The following LDHC variants were observed in gnomAD, a reference collection of about 807,000 sequenced individuals.
LDHC encodes lactate dehydrogenase C.
A neutral mutation model predicts 30.2 loss-of-function variants in LDHC; 20 were observed. That is an observed-to-expected ratio of 0.66 (90% confidence interval 0.47 to 0.96). The LOEUF (loss-of-function observed/expected upper bound fraction) is 0.96, where lower values mean the gene tolerates loss of function less well. LDHC is among the 40% of genes least tolerant of loss of function. The pLI is 0.00. For missense variants in LDHC, 362 were observed against 394.9 expected (o/e 0.92, Z 0.71); for synonymous variants, 139 against 132.7 (o/e 1.05, Z -0.32).
intron 3 of LDHC, among the ~76,000 whole-genome samples, chr11:18,428,770 G>T (rs527245823): frequency 3.9e-4 from 59 of 151,842 alleles, no homozygotes; most frequent in Admixed American, 5.9e-4. Context: ...AGCTACTCAG[G>T]AGGCTGATGT....
At chr11:18,442,582 A>G (rs1258659173) in intron 6 of LDHC, among the ~76,000 whole-genome samples, 5 of 151,174 alleles carry the variant, frequency 3.3e-5, no homozygotes, top group Non-Finnish European at 7.4e-5. Flanking sequence ...TCCCCCCTCT[A>G]TCATTTACTA....
At chr11:18,440,899 A>G (rs1246823570) in intron 6 of LDHC, among the ~76,000 whole-genome samples, 1 of 151,954 alleles carries the variant, frequency 6.6e-6, no homozygotes, top group East Asian at 1.9e-4. Flanking sequence ...TGATCACACC[A>G]CTGCACACTA....
intron 6 of LDHC, 100 bp from the exon 7 acceptor site, chr11:18,446,110 T>G: frequency 1.0e-6 from 1 of 959,436 alleles, no homozygotes; most frequent in Non-Finnish European, 1.6e-6. Flanking sequence ...TACAATTGCA[T>G]TGACATGTAG....
In LDHC at chr11:18,438,535, A is replaced by G; in HGVS notation, c.600A>G (p.Leu200=). The change falls in exon 6 of 8, where the codon TTA becomes TTG. Residue 200 remains leucine (L), a synonymous_variant. Transcript: ENST00000541669. ...GAGATCTGTATTTTTTAGTGCCCTTATGGAGTGGGGTGAATGTTGCTGGTG... is the reference window on the plus strand; with the variant it reads ...GAGATCTGTATTTTTTAGTGCCCTTGTGGAGTGGGGTGAATGTTGCTGGTG... The part of the protein sequence containing the change: ...IGEHGDSSVP[L]WSGVNVAGVA... 2 of 1,602,958 alleles carry G rather than the reference A, an allele frequency of 1.2e-6. No homozygotes were observed. The highest frequency in any genetic ancestry group is 1.3e-5 in the African/African-American group (1 of 74,808).
intron 6 of LDHC, among the ~76,000 whole-genome samples, chr11:18,442,312 T>C (rs1187345041): frequency 6.6e-6 from 1 of 152,240 alleles, no homozygotes; most frequent in Non-Finnish European, 1.5e-5. Flanking sequence ...CTCAAGGTTA[T>C]CTTCCCAGTT....
At chr11:18,422,843 C>T (rs1377079858) in intron 3 of LDHC, among the ~76,000 whole-genome samples, 4 of 151,172 alleles carry the variant, frequency 2.6e-5, no homozygotes, top group Non-Finnish European at 4.4e-5. Flanking sequence ...ATTAGCTGGG[C>T]GTGTTGATGG....
chr11:18,419,644 A>T (rs1245655499), intron 3 of LDHC, among the ~76,000 whole-genome samples: 1 of 152,258 alleles, frequency 6.6e-6, no homozygotes, highest in Admixed American at 6.5e-5. Context: ...TAACAGAAAC[A>T]TGCCACTATA....
At chr11:18,432,286 TGGAGTTG>T (rs1460038522) in intron 4 of LDHC, among the ~76,000 whole-genome samples, 1 of 152,228 alleles carries the variant, frequency 6.6e-6, no homozygotes, top group Non-Finnish European at 1.5e-5. Flanking sequence ...AGGTTCCTTT[TGGAGTTG>T]ATGTCCAGTT....
chr11:18,442,572 T>C (rs1338198956), intron 6 of LDHC, among the ~76,000 whole-genome samples: 4 of 151,966 alleles, frequency 2.6e-5, no homozygotes, highest in African/African-American at 7.2e-5. Flanking sequence ...ACTGTTTTTT[T>C]CCCCCCTCTA....
intron 3 of LDHC, among the ~76,000 whole-genome samples, chr11:18,417,514 C>G (rs1010087577): frequency 5.3e-5 from 8 of 152,168 alleles, no homozygotes; most frequent in Non-Finnish European, 1.2e-4. Flanking sequence ...CCACCTCACC[C>G]TTCTGTGTAG....
At chr11:18,441,485 T>G (rs964142294) in intron 6 of LDHC, among the ~76,000 whole-genome samples, 51 of 151,808 alleles carry the variant, frequency 3.4e-4, no homozygotes, top group Admixed American at 5.9e-4. Flanking sequence ...ATTTTTGTAT[T>G]TTTAGTAGAA....
chr11:18,428,751 T>C (rs1590228238), intron 3 of LDHC, among the ~76,000 whole-genome samples: 1 of 151,892 alleles, frequency 6.6e-6, no homozygotes, highest in Admixed American at 6.6e-5. Context: ...GGTGCATGCC[T>C]GTAGTCCCAG....
intron 3 of LDHC, among the ~76,000 whole-genome samples, chr11:18,429,116 C>CT (rs36038254): frequency 0.21 from 19,680 of 93,712 alleles, 3,142 homozygotes; most frequent in East Asian, 0.33. Context: ...TCATTTTGGT[C>CT]TTTTTTTTTT....
rs374002407 is a variant in LDHC, at chr11:18,429,743, G to A, written c.251G>A (p.Ser84Asn). The A allele has an allele frequency of 2.8e-5, 44 of 1,596,710 alleles. No homozygotes were observed. Among genetic ancestry groups the A allele is most frequent in the Non-Finnish European group, 3.7e-5 (43 of 1,167,318 alleles). The change falls in exon 4 of 8, where the codon AGT becomes AAT. Residue 84 changes from serine (S) to asparagine (N), a missense_variant. Transcript: ENST00000541669. ...TATTTTGTTTCCTTTTTAGATTACA[G>A]TGTATCTGCAAACTCCAGAATAGTT... ...TSKITSGKDYSVSANSRIVIV... is the reference protein window; with the variant it reads ...TSKITSGKDYNVSANSRIVIV...
At chr11:18,418,691 T>G (rs921063078) in intron 3 of LDHC, among the ~76,000 whole-genome samples, 4 of 152,042 alleles carry the variant, frequency 2.6e-5, no homozygotes, top group African/African-American at 7.2e-5. Flanking sequence ...CCTCCCAAAG[T>G]GCTGGGATTA....
chr11:18,448,534 C>T (rs890890380), intron 7 of LDHC, among the ~76,000 whole-genome samples: 2 of 152,154 alleles, frequency 1.3e-5, no homozygotes, highest in East Asian at 3.9e-4. Context: ...CCAACCACCT[C>T]GGCTTCCCAA....
chr11:18,441,480 T>C (rs1337036224), intron 6 of LDHC, among the ~76,000 whole-genome samples: 1 of 151,928 alleles, frequency 6.6e-6, no homozygotes, highest in Non-Finnish European at 1.5e-5. Flanking sequence ...AGCTAATTTT[T>C]GTATTTTTAG....
intron 3 of LDHC, among the ~76,000 whole-genome samples, chr11:18,416,678 C>A (rs2134045939): frequency 6.6e-6 from 1 of 151,584 alleles, no homozygotes; most frequent in African/African-American, 2.4e-5. Context: ...ATCCCTTCCC[C>A]CTTCCCTTCC....
At chr11:18,439,827 A>AAC (rs1240263288) in intron 6 of LDHC, among the ~76,000 whole-genome samples, 5 of 145,650 alleles carry the variant, frequency 3.4e-5, no homozygotes, top group Admixed American at 1.4e-4. Flanking sequence ...AAAAAAAAAA[A>AAC]AAAAAAAAAC....
Sources: gnomAD v4.1 joint callset for allele counts (sites outside exome capture counted in the v4.1 genomes callset) on GRCh38, gnomAD v4.1.1 for gene constraint, MANE v1.5 for transcripts, NCBI Gene and HGNC (gene_info 2026-07-23, HGNC 2026-07-21) for gene names.